MS4A4E: variants seen among roughly 807,000 people sequenced by gnomAD.
MS4A4E encodes the protein membrane spanning 4-domains A4E.
In MS4A4E, 23 loss-of-function variants were observed where a neutral mutation model predicts 13.3. That is an observed-to-expected ratio of 1.73 (90% CI 1.25 to 2.45). The LOEUF (loss-of-function observed/expected upper bound fraction) is 2.45, where lower values mean the gene tolerates loss of function less well. Ranked by LOEUF, MS4A4E falls within the 30% of genes most tolerant of loss-of-function variation. The probability of loss-of-function intolerance (pLI) is 0.00; values close to 1 mark genes in which losing one functional copy is unlikely to be tolerated. For missense variants in MS4A4E, 144 were observed against 131.2 expected (o/e 1.10, Z -0.48); for synonymous variants, 36 against 45.6 (o/e 0.79, Z 0.85).
At chr11:60,229,811 A>G (rs2084385221) in intron 2 of MS4A4E, 101 bp downstream of exon 2, 1 of 1,174,094 alleles carries the variant, frequency 8.5e-7, no homozygotes, top group Middle Eastern at 1.9e-4. Flanking sequence ...GGGCTGGTTG[A>G]TGTATTATGA....
At chr11:60,206,072 G>A (rs1482065139) in intron 6 of MS4A4E, among the ~76,000 whole-genome samples, 1 of 152,060 alleles carries the variant, frequency 6.6e-6, no homozygotes, top group Non-Finnish European at 1.5e-5. Context: ...CTATTCCAAG[G>A]TACTTTCTAT....
At chr11:60,232,284 A>AACACACACACACACACAC (rs3221531) in intron 1 of MS4A4E, among the ~76,000 whole-genome samples, 10,841 of 129,824 alleles carry the variant, frequency 0.084, 579 homozygotes, top group Admixed American at 0.12. Flanking sequence ...CATCGCCATC[A>AACACACACACACACACAC]ACACACACAC....
At position 60,200,942 on chromosome 11, in the gene MS4A4E, G is replaced by A. The variant is rs557827229; in HGVS notation, c.*601C>T. ...GGGCTGACCCCTCCACCTCCCTCCC[G>A]GACGGGGCGGCTGGCCGGGTGGGGG... On this transcript the variant is annotated 3_prime_UTR_variant, in exon 9 of 9. Coordinates refer to ENST00000651255, the MANE Select transcript of MS4A4E (RefSeq NM_001393391.1). 0.01 allele frequency among the ~76,000 whole-genome samples: 1,450 copies of A among 144,504 alleles called. 73 individuals are homozygous for A. The highest frequency in any genetic ancestry group is 0.094 in the Admixed American group (1,373 of 14,574). 94.8% of individuals were successfully genotyped at this position (144,504 alleles called of 152,430 possible).
intron 1 of MS4A4E, 114 bp from the exon 2 acceptor site, chr11:60,230,185 T>G: frequency 8.5e-7 from 1 of 1,175,574 alleles, no homozygotes. Context: ...TCCCCTCCAA[T>G]ATTATAACAG....
At chr11:60,230,185 T>C (rs961814339) in intron 1 of MS4A4E, 114 bp from the exon 2 acceptor site, 4 of 1,175,574 alleles carry the variant, frequency 3.4e-6, no homozygotes, top group African/African-American at 1.6e-5. Flanking sequence ...TCCCCTCCAA[T>C]ATTATAACAG....
chr11:60,206,954 C>T (rs2084055621), intron 6 of MS4A4E, among the ~76,000 whole-genome samples: 1 of 152,104 alleles, frequency 6.6e-6, no homozygotes, highest in Admixed American at 6.6e-5. Flanking sequence ...TGCTGATGAC[C>T]ACTGCCCTGG....
At chr11:60,232,019 A>G (rs2084417064) in intron 1 of MS4A4E, among the ~76,000 whole-genome samples, 1 of 152,180 alleles carries the variant, frequency 6.6e-6, no homozygotes, top group African/African-American at 2.4e-5. Context: ...CATTGTCTCA[A>G]ACAAATTTCA....
At chr11:60,236,722 T>G (rs2084487561) in intron 1 of MS4A4E, among the ~76,000 whole-genome samples, 1 of 151,938 alleles carries the variant, frequency 6.6e-6, no homozygotes, top group African/African-American at 2.4e-5. Context: ...ACAGATTATT[T>G]TATCATCCAG....
At chr11:60,242,200 G>A (rs1201768955) in intron 1 of MS4A4E, among the ~76,000 whole-genome samples, 1 of 151,158 alleles carries the variant, frequency 6.6e-6, no homozygotes, top group African/African-American at 2.4e-5. Flanking sequence ...AAGAATTCTG[G>A]GTTTTTTGCT....
At chr11:60,223,832 T>C (rs1194698580) in intron 3 of MS4A4E, among the ~76,000 whole-genome samples, 2 of 150,088 alleles carry the variant, frequency 1.3e-5, no homozygotes, top group Middle Eastern at 3.2e-3. Context: ...AGCTTACAGA[T>C]GGCCTATTGT....
chr11:60,207,129 A>G (rs569096155), intron 6 of MS4A4E, among the ~76,000 whole-genome samples: 1 of 152,332 alleles, frequency 6.6e-6, no homozygotes, highest in East Asian at 1.9e-4. Context: ...AAGCATTGCA[A>G]AAACCACACT....
At chr11:60,232,284 A>AACACACACACAC (rs3221531) in intron 1 of MS4A4E, among the ~76,000 whole-genome samples, 6,150 of 130,104 alleles carry the variant, frequency 0.047, 219 homozygotes, top group African/African-American at 0.067. Context: ...CATCGCCATC[A>AACACACACACAC]ACACACACAC....
intron 1 of MS4A4E, among the ~76,000 whole-genome samples, chr11:60,237,014 G>A (rs993874962): frequency 2.0e-5 from 3 of 152,112 alleles, no homozygotes; most frequent in Non-Finnish European, 4.4e-5. Flanking sequence ...GGGATTATAG[G>A]CATGAGCCAC....
At chr11:60,242,052 CCT>C (rs966330465) in intron 1 of MS4A4E, among the ~76,000 whole-genome samples, 4 of 152,142 alleles carry the variant, frequency 2.6e-5, no homozygotes, top group African/African-American at 9.7e-5. Flanking sequence ...ACGGTCATCC[CCT>C]TTTTCTTGGC....
chr11:60,224,946 CA>C (rs941450984), intron 3 of MS4A4E: 3 of 1,487,308 alleles, frequency 2.0e-6, no homozygotes, highest in Non-Finnish European at 2.7e-6. Flanking sequence ...CCAATTATAT[CA>C]AAAAATACCC....
At chr11:60,205,380 T>C (rs1325347482) in intron 7 of MS4A4E, among the ~76,000 whole-genome samples, 1 of 152,228 alleles carries the variant, frequency 6.6e-6, no homozygotes, top group Non-Finnish European at 1.5e-5. Flanking sequence ...TAAAACAATG[T>C]CTGCCCCATT....
chr11:60,219,159 A>C (rs944441345), intron 3 of MS4A4E, among the ~76,000 whole-genome samples: 2 of 152,186 alleles, frequency 1.3e-5, no homozygotes, highest in African/African-American at 4.8e-5. Flanking sequence ...TATACCCTTG[A>C]CCAGTACTTT....
At chr11:60,218,294 A>G (rs528670418) in intron 3 of MS4A4E, among the ~76,000 whole-genome samples, 1 of 152,088 alleles carries the variant, frequency 6.6e-6, no homozygotes, top group African/African-American at 2.4e-5. Context: ...TAGCAATTTT[A>G]ATTTCACCCC....
chr11:60,229,549 A>G (rs1337255709), intron 2 of MS4A4E, among the ~76,000 whole-genome samples: 1 of 152,216 alleles, frequency 6.6e-6, no homozygotes, highest in African/African-American at 2.4e-5. Flanking sequence ...TGCAAGAAAG[A>G]AAGAGTAGCA....
Sources: allele counts gnomAD v4.1 joint callset (sites outside exome capture counted in the v4.1 genomes callset), GRCh38; gene constraint gnomAD v4.1.1; transcripts MANE v1.5; gene names NCBI Gene and HGNC (gene_info 2026-07-23, HGNC 2026-07-21).